NEBL: variants seen among roughly 807,000 people sequenced by gnomAD.
The protein encoded by NEBL is LIM and SH3 protein 2.
NEBL carries 122 observed loss-of-function variants against 140.2 expected under a neutral mutation model. The ratio of observed to expected loss-of-function variants is 0.87; its 90% CI spans 0.75 to 1.01. The LOEUF (loss-of-function observed/expected upper bound fraction) is 1.01. Ranked by LOEUF, NEBL falls within the 50% of genes least tolerant of loss-of-function variation. The probability of loss-of-function intolerance (pLI) is 0.00; values close to 1 mark genes in which losing one functional copy is unlikely to be tolerated. For synonymous variants in NEBL, 436 were observed against 398.9 expected (o/e 1.09, Z -1.11); for missense variants, 1,365 against 1,231.3 (o/e 1.11, Z -1.62).
intron 2 of NEBL, among the ~76,000 whole-genome samples, chr10:21,154,917 T>C (rs1229672383): frequency 2.6e-5 from 4 of 152,178 alleles, no homozygotes; most frequent in African/African-American, 7.2e-5. Context: ...AATCACATCA[T>C]AGGCTGGGCG....
In NEBL at chr10:20,946,004, TAAC is replaced by T. The variant is rs147216835; in HGVS notation, c.357+15665_357+15667del. 2.1e-3 allele frequency among the ~76,000 whole-genome samples: 327 copies of T among 152,286 alleles called. 3 individuals carry two copies. The highest frequency in any genetic ancestry group is 7.4e-3 in the African/African-American group (307 of 41,564). The stretch of plus-strand genomic sequence containing the variant: ...GGATTGTTGCTAAAAATAAGTGAAA[TAAC>T]AAACATGAAAGATGGCCCGACACAC... On this transcript the variant is annotated intron_variant, in intron 4 of 6. Transcript: ENST00000417816.
At chr10:21,035,927 C>A (rs1833998672) in intron 2 of NEBL, among the ~76,000 whole-genome samples, 1 of 152,094 alleles carries the variant, frequency 6.6e-6, no homozygotes, top group African/African-American at 2.4e-5. Flanking sequence ...CTTTGGGAGG[C>A]TGAGGTGAGC....
intron 3 of NEBL, among the ~76,000 whole-genome samples, chr10:21,019,424 G>C (rs922782262): frequency 2.0e-5 from 3 of 152,196 alleles, no homozygotes; most frequent in African/African-American, 7.2e-5. Flanking sequence ...CTGACCAATG[G>C]ATTGCAATGT....
At chr10:20,856,600 CAG>C (rs1564389670) in intron 9 of NEBL, among the ~76,000 whole-genome samples, 1 of 151,930 alleles carries the variant, frequency 6.6e-6, no homozygotes, top group African/African-American at 2.4e-5. Flanking sequence ...AGAAAAAAGA[CAG>C]AAATAGAGAC....
At chr10:21,266,927 C>T (rs1842802846) in intron 1 of NEBL, among the ~76,000 whole-genome samples, 1 of 152,084 alleles carries the variant, frequency 6.6e-6, no homozygotes, top group African/African-American at 2.4e-5. Context: ...CAGGTGTGCA[C>T]CACCATGACT....
intron 3 of NEBL, among the ~76,000 whole-genome samples, chr10:20,974,243 G>GT (rs969572680): frequency 1.3e-5 from 2 of 149,054 alleles, no homozygotes; most frequent in East Asian, 2.1e-4. Context: ...CCATCGCTTA[G>GT]TTTTTTTTCT....
intron 3 of NEBL, among the ~76,000 whole-genome samples, chr10:20,974,327 C>T (rs530097387): frequency 1.3e-5 from 2 of 150,766 alleles, no homozygotes; most frequent in East Asian, 3.9e-4. Flanking sequence ...AGTCTTGGCT[C>T]ACTGCAGCCT....
chr10:20,867,127 C>G (rs1844373942), intron 7 of NEBL, among the ~76,000 whole-genome samples: 1 of 152,068 alleles, frequency 6.6e-6, no homozygotes, highest in Non-Finnish European at 1.5e-5. Flanking sequence ...ACACATCCTT[C>G]TCTGTATAAA....
At chr10:21,095,485 T>G (rs1391805394) in intron 2 of NEBL, among the ~76,000 whole-genome samples, 1 of 152,224 alleles carries the variant, frequency 6.6e-6, no homozygotes, top group Non-Finnish European at 1.5e-5. Flanking sequence ...ACGGTGCTAT[T>G]AGCATAACTG....
chr10:21,152,715 T>G (rs530986258), intron 2 of NEBL, among the ~76,000 whole-genome samples: 1 of 151,708 alleles, frequency 6.6e-6, no homozygotes, highest in South Asian at 2.1e-4. Context: ...CAAACTCCAC[T>G]CTGAATTTAA....
intron 4 of NEBL, among the ~76,000 whole-genome samples, chr10:20,914,556 T>C (rs1449239995): frequency 2.0e-5 from 3 of 152,232 alleles, no homozygotes; most frequent in African/African-American, 4.8e-5. Flanking sequence ...CTTTCCTTGG[T>C]TATTGCTTTG....
intron 2 of NEBL, among the ~76,000 whole-genome samples, chr10:21,167,699 C>T (rs562592857): frequency 6.6e-6 from 1 of 152,352 alleles, no homozygotes; most frequent in South Asian, 2.1e-4. Flanking sequence ...AGGGTTTATA[C>T]TCATTGTGTG....
At chr10:21,260,092 C>G (rs1234978852) in intron 1 of NEBL, among the ~76,000 whole-genome samples, 20 of 152,210 alleles carry the variant, frequency 1.3e-4, no homozygotes, top group Admixed American at 1.3e-3. Context: ...TTAGGCAAAT[C>G]AATACGTTTC....
At chr10:21,157,468 G>A (rs931037867) in intron 2 of NEBL, among the ~76,000 whole-genome samples, 49 of 152,120 alleles carry the variant, frequency 3.2e-4, no homozygotes, top group African/African-American at 1.1e-3. Flanking sequence ...CTACTCAGGA[G>A]GCTGAGGTGG....
chr10:21,006,971 A>G (rs1838162555), intron 3 of NEBL, among the ~76,000 whole-genome samples: 1 of 152,178 alleles, frequency 6.6e-6, no homozygotes, highest in Non-Finnish European at 1.5e-5. Flanking sequence ...CAGGTAAAGG[A>G]TCCTTTCTTA....
chr10:20,885,880 C>G (rs1050647397), intron 4 of NEBL, among the ~76,000 whole-genome samples: 1 of 152,106 alleles, frequency 6.6e-6, no homozygotes, highest in Non-Finnish European at 1.5e-5. Flanking sequence ...CCATGCAGAA[C>G]GTTGACATCA....
At chr10:20,973,688 C>T (rs1038541379) in intron 3 of NEBL, among the ~76,000 whole-genome samples, 4 of 152,212 alleles carry the variant, frequency 2.6e-5, no homozygotes, top group Admixed American at 2.6e-4. Context: ...TTAATTTAAC[C>T]TCCTTCTTTA....
chr10:21,041,459 A>C (rs952543769), intron 2 of NEBL, among the ~76,000 whole-genome samples: 1 of 152,202 alleles, frequency 6.6e-6, no homozygotes. Context: ...GATGCAGACA[A>C]CATGGAAAAA....
intron 3 of NEBL, among the ~76,000 whole-genome samples, chr10:21,011,621 C>G (rs1472667112): frequency 6.6e-6 from 1 of 152,114 alleles, no homozygotes; most frequent in Non-Finnish European, 1.5e-5. Context: ...TCTCAGGTGC[C>G]AGGCACCCTG....
Sources: allele counts gnomAD v4.1 joint callset (sites outside exome capture counted in the v4.1 genomes callset), GRCh38; gene constraint gnomAD v4.1.1; transcripts MANE v1.5; gene names NCBI Gene and HGNC (gene_info 2026-07-23, HGNC 2026-07-21).